The following CTNNA2 variants were observed in gnomAD, a reference collection of about 807,000 sequenced individuals.
CTNNA2 encodes catenin alpha 2.
In CTNNA2, 42 loss-of-function variants were observed where a neutral mutation model predicts 101.0. The observed-to-expected ratio is 0.42, with a 90% CI of 0.32 to 0.54. CTNNA2 has a LOEUF of 0.54. Among genes scored for constraint, CTNNA2 ranks in the 20% least tolerant of loss-of-function variants. CTNNA2 has a pLI of 0.14. For synonymous variants in CTNNA2, 450 were observed against 456.4 expected, an observed-to-expected ratio of 0.99 and a Z score of 0.18; for missense variants, 871 against 1,223.1, an observed-to-expected ratio of 0.71 and a Z score of 4.29.
intron 6 of CTNNA2, among the ~76,000 whole-genome samples, chr2:79,879,650 A>G (rs906426327): frequency 6.6e-6 from 1 of 151,988 alleles, no homozygotes; most frequent in African/African-American, 2.4e-5. Flanking sequence ...AATGCTTGTG[A>G]TTTTTGCACA....
chr2:80,208,573 A>G (rs1358405197), intron 7 of CTNNA2, among the ~76,000 whole-genome samples: 2 of 152,114 alleles, frequency 1.3e-5, no homozygotes, highest in African/African-American at 4.8e-5. Context: ...CAGGATTGTT[A>G]CCTTATGGGA....
chr2:80,074,968 G>A (rs572914984), intron 7 of CTNNA2, among the ~76,000 whole-genome samples: 9 of 152,170 alleles, frequency 5.9e-5, no homozygotes, highest in Non-Finnish European at 7.3e-5. Context: ...AGGGAAGTCC[G>A]TTAAAACTAC....
Position 79,502,256 on chromosome 2 carries a change from A to G in CTNNA2, c.-134-2798A>G, listed in dbSNP as rs1054016679. On this transcript the variant is annotated intron_variant, in intron 4 of 21. Coordinates refer to the CTNNA2 transcript ENST00000466387. ...ATTCTAAAGATTTTGGAAGAAAGAA[A>G]GATTTACAGAGATTCTTTTTGCCAT... Among the ~76,000 whole-genome samples, 5 of 152,212 alleles carry G rather than the reference A, an allele frequency of 3.3e-5. No homozygotes were observed. In the South Asian group the frequency reaches 1.0e-3, roughly 32 times the overall value.
At chr2:80,120,327 A>G (rs1701760470) in intron 7 of CTNNA2, among the ~76,000 whole-genome samples, 1 of 152,156 alleles carries the variant, frequency 6.6e-6, no homozygotes, top group Admixed American at 6.6e-5. Flanking sequence ...TAAGTATATT[A>G]CCTTCTGAAG....
intron 7 of CTNNA2, among the ~76,000 whole-genome samples, chr2:80,329,544 T>C (rs920818): frequency 0.15 from 23,072 of 152,050 alleles, 2,102 homozygotes; most frequent in East Asian, 0.38. Flanking sequence ...ACAGAGGATG[T>C]AGGGAACAGG....
chr2:79,765,662 T>G (rs1406428101), intron 3 of CTNNA2, among the ~76,000 whole-genome samples: 1 of 152,222 alleles, frequency 6.6e-6, no homozygotes, highest in African/African-American at 2.4e-5. Flanking sequence ...TGGCTTTAGC[T>G]GAGAATCACA....
chr2:79,347,800 T>C (rs1052158246), intron 3 of CTNNA2, among the ~76,000 whole-genome samples: 2 of 151,770 alleles, frequency 1.3e-5, no homozygotes, highest in African/African-American at 2.4e-5. Flanking sequence ...TTTTTTTTTT[T>C]TTTTTTTGGT....
chr2:79,935,562 G>T (rs1687729704), intron 7 of CTNNA2, among the ~76,000 whole-genome samples: 1 of 152,092 alleles, frequency 6.6e-6, no homozygotes, highest in Non-Finnish European at 1.5e-5. Context: ...CTCATGATCA[G>T]CCCAGTCTGG....
intron 9 of CTNNA2, among the ~76,000 whole-genome samples, chr2:80,508,209 G>A (rs561347267): frequency 1.3e-3 from 198 of 152,236 alleles, no homozygotes; most frequent in African/African-American, 4.5e-3. Context: ...GCTCATGCCC[G>A]TAATTCTAGC....
chr2:79,468,240 TA>T (rs1670960385), intron 4 of CTNNA2, among the ~76,000 whole-genome samples: 2 of 152,014 alleles, frequency 1.3e-5, no homozygotes, highest in African/African-American at 4.8e-5. Flanking sequence ...TAGTCTCTGA[TA>T]AAACAGACTT....
At chr2:79,752,191 G>A (rs1015825079) in intron 3 of CTNNA2, among the ~76,000 whole-genome samples, 1 of 151,794 alleles carries the variant, frequency 6.6e-6, no homozygotes, top group Admixed American at 6.6e-5. Context: ...AGGGATGAAG[G>A]TATAGTTTTG....
Position 79,256,311 on chromosome 2 carries a change from C to T in CTNNA2, c.-405-56398C>T, listed in dbSNP as rs138185147. On this transcript the variant is annotated intron_variant, in intron 2 of 21. Coordinates refer to the CTNNA2 transcript ENST00000466387. ...CCAACTTACAATTAAGGACATTTCT[C>T]TGTGTTCATTGACAAGCCATTAACA... Among the ~76,000 whole-genome samples, 305 of 152,274 alleles carry T rather than the reference C, an allele frequency of 2.0e-3. 1 individual carries two copies. Among genetic ancestry groups the T allele is most frequent in the African/African-American group, 7.1e-3 (295 of 41,546 alleles).
chr2:80,540,264 G>T (rs1691434996), intron 9 of CTNNA2, among the ~76,000 whole-genome samples: 1 of 152,090 alleles, frequency 6.6e-6, no homozygotes, highest in African/African-American at 2.4e-5. Context: ...TTCTGATGTT[G>T]TAACAGATAT....
intron 9 of CTNNA2, among the ~76,000 whole-genome samples, chr2:80,531,974 C>A (rs1309285952): frequency 7.2e-5 from 11 of 152,298 alleles, no homozygotes; most frequent in Non-Finnish European, 1.5e-4. Flanking sequence ...TCTGTCACAA[C>A]TACCCAAATC....
chr2:79,362,827 C>T (rs1369008676), intron 3 of CTNNA2, among the ~76,000 whole-genome samples: 9 of 152,196 alleles, frequency 5.9e-5, no homozygotes, highest in African/African-American at 2.2e-4. Flanking sequence ...AGCTGACCCA[C>T]AGTGGGCAAT....
intron 4 of CTNNA2, among the ~76,000 whole-genome samples, chr2:79,441,573 T>A (rs1321636548): frequency 6.6e-6 from 1 of 152,162 alleles, no homozygotes; most frequent in Non-Finnish European, 1.5e-5. Context: ...ATTTTGGATT[T>A]GTCCCTTCTC....
Position 79,795,544 on chromosome 2 carries a change from T to G in CTNNA2, c.298+50962T>G, listed in dbSNP as rs146636261. Among the ~76,000 whole-genome samples, 189 of 152,266 alleles carry G rather than the reference T, an allele frequency of 1.2e-3. 1 individual carries two copies. Among genetic ancestry groups the G allele is most frequent in the African/African-American group, 4.2e-3 (175 of 41,580 alleles). On this transcript the variant is annotated intron_variant, in intron 3 of 18. Transcript: ENST00000402739. ...ATCAATTGTATTAAATTAAATTTCATTTAATTTGTTTATGAAAAGAAATTA... is the reference window on the plus strand; with the variant it reads ...ATCAATTGTATTAAATTAAATTTCAGTTAATTTGTTTATGAAAAGAAATTA...
chr2:79,728,271 T>G (rs1686985194), intron 2 of CTNNA2, among the ~76,000 whole-genome samples: 1 of 152,210 alleles, frequency 6.6e-6, no homozygotes, highest in African/African-American at 2.4e-5. Context: ...ATCGCCATTC[T>G]AACTGGTGTG....
chr2:79,472,512 C>T (rs1671010997), intron 4 of CTNNA2, among the ~76,000 whole-genome samples: 1 of 152,216 alleles, frequency 6.6e-6, no homozygotes, highest in South Asian at 2.1e-4. Context: ...CCATTTGCAG[C>T]TGAATATTTC....
Sources: gnomAD v4.1 joint callset for allele counts (sites outside exome capture counted in the v4.1 genomes callset) on GRCh38, gnomAD v4.1.1 for gene constraint, MANE v1.5 for transcripts, NCBI Gene and HGNC (gene_info 2026-07-23, HGNC 2026-07-21) for gene names.